Variants in ATRNL1 observed in about 807,000 individuals in gnomAD.
The protein encoded by ATRNL1 is attractin like 1, also known as attractin-like protein 1.
Under a neutral mutation model 182.7 loss-of-function variants are expected in ATRNL1, and 95 were observed. The ratio of observed to expected loss-of-function variants is 0.52; its 90% CI spans 0.44 to 0.62. ATRNL1 has a LOEUF of 0.62. ATRNL1 is among the 20% of genes least tolerant of loss of function. ATRNL1 has a pLI of 0.00. For synonymous variants in ATRNL1, 576 were observed against 568.3 expected, an observed-to-expected ratio of 1.01 and a Z score of -0.19; for missense variants, 1,471 against 1,679.5, an observed-to-expected ratio of 0.88 and a Z score of 2.17.
intron 25 of ATRNL1, among the ~76,000 whole-genome samples, chr10:115,530,502 A>G (rs1407859807): frequency 5.9e-5 from 9 of 152,214 alleles, no homozygotes; most frequent in Admixed American, 5.9e-4. Context: ...ACAGGCAAAG[A>G]AATAATAAGA....
chr10:115,106,923 G>C (rs1303670340), intron 1 of ATRNL1, among the ~76,000 whole-genome samples: 1 of 152,176 alleles, frequency 6.6e-6, no homozygotes, highest in Non-Finnish European at 1.5e-5. Context: ...CTAAGATCAA[G>C]AGGCTGACAT....
At position 115,467,303 on chromosome 10, in the gene ATRNL1, G is replaced by T. The variant is rs782260342; in HGVS notation, c.3496+51G>T. The stretch of plus-strand genomic sequence containing the variant: ...CTTTTACATGTGTTCCTATCTGGAA[G>T]TTGTTCTAACATGATCTACTGTTAA... On this transcript the variant is annotated intron_variant, in intron 23 of 28. Coordinates refer to ENST00000355044, the MANE Select transcript of ATRNL1 (RefSeq NM_207303.4). 6.0e-6 allele frequency: 8 copies of T among 1,336,710 alleles called. No homozygotes were observed. In the African/African-American group the frequency reaches 1.0e-4, roughly 17 times the overall value. The allele number at this position is 1,336,710 out of a possible 1,614,324, so 82.8% of individuals were successfully genotyped here.
At chr10:115,587,344 G>C (rs1245235267) in intron 26 of ATRNL1, among the ~76,000 whole-genome samples, 1 of 152,006 alleles carries the variant, frequency 6.6e-6, no homozygotes, top group Non-Finnish European at 1.5e-5. Context: ...AATGGCGGGC[G>C]CCCCTCCCCC....
chr10:115,326,763 C>T (rs1330017737), intron 18 of ATRNL1, among the ~76,000 whole-genome samples: 1 of 151,978 alleles, frequency 6.6e-6, no homozygotes, highest in African/African-American at 2.4e-5. Context: ...AGAACAGAGC[C>T]CTCAGAAATA....
chr10:115,626,806 C>T (rs1288612297), intron 26 of ATRNL1, among the ~76,000 whole-genome samples: 1 of 152,070 alleles, frequency 6.6e-6, no homozygotes, highest in African/African-American at 2.4e-5. Flanking sequence ...TGTTGATTTA[C>T]ATATGAATTC....
In ATRNL1 at chr10:115,582,059, A is replaced by G. The variant is rs1381763592; in HGVS notation, c.3795+32523A>G. Among the ~76,000 whole-genome samples, 43 of 151,884 alleles carry G rather than the reference A, an allele frequency of 2.8e-4. 1 individual carries two copies. Among genetic ancestry groups the G allele is most frequent in the Non-Finnish European group, 2.4e-4 (16 of 67,938 alleles). On this transcript the variant is annotated intron_variant, in intron 26 of 28. Transcript: ENST00000355044. ...GATTTCCAATTTCATCCATATCCCT[A>G]CAAAGGACATGAACTCATCATTTTT... is the stretch of plus-strand genomic sequence containing the variant.
In ATRNL1 at chr10:115,844,500, A is replaced by G. The variant is rs561199130; in HGVS notation, c.3904-3377A>G. Among the ~76,000 whole-genome samples, 3 of 152,216 alleles carry G rather than the reference A, an allele frequency of 2.0e-5. No individual in the cohort carries two copies. In the East Asian group the frequency reaches 5.8e-4, roughly 29 times the overall value. ...CCTTGAAAATCTTCATGATTCTAGA[A>G]GCTTCTCTGGTAACATTTTTTTCTG... On this transcript the variant is annotated intron_variant, in intron 27 of 28. Coordinates refer to ENST00000355044, the MANE Select transcript of ATRNL1 (RefSeq NM_207303.4).
chr10:115,895,038 A>G (rs550616163), intron 28 of ATRNL1, among the ~76,000 whole-genome samples: 12 of 152,212 alleles, frequency 7.9e-5, no homozygotes, highest in Non-Finnish European at 1.5e-4. Flanking sequence ...TAATGATCAA[A>G]ACTGAAGTAT....
intron 20 of ATRNL1, among the ~76,000 whole-genome samples, chr10:115,403,996 G>A (rs1302486951): frequency 6.6e-6 from 1 of 152,134 alleles, no homozygotes; most frequent in Non-Finnish European, 1.5e-5. Flanking sequence ...CTCATGTTAA[G>A]GTTGGCCAGT....
chr10:115,616,829 A>C (rs1232172600), intron 26 of ATRNL1, among the ~76,000 whole-genome samples: 13 of 152,190 alleles, frequency 8.5e-5, no homozygotes, highest in Non-Finnish European at 1.6e-4. Context: ...ATTTCAGAGG[A>C]TGTGTGAGAA....
chr10:115,903,234 G>A (rs1217212606), intron 28 of ATRNL1, among the ~76,000 whole-genome samples: 9 of 152,124 alleles, frequency 5.9e-5, no homozygotes, highest in African/African-American at 2.2e-4. Flanking sequence ...TCTGGTGGGT[G>A]CTAAGTTCAA....
chr10:115,466,999 T>C (rs1279070908), intron 22 of ATRNL1, among the ~76,000 whole-genome samples, 175 bp from the exon 23 acceptor site: 2 of 151,106 alleles, frequency 1.3e-5, no homozygotes, highest in Non-Finnish European at 3.0e-5. Flanking sequence ...CCTTTGAATT[T>C]ATTACACATT....
chr10:115,544,972 A>G (rs147805710), intron 25 of ATRNL1, among the ~76,000 whole-genome samples: 1 of 152,212 alleles, frequency 6.6e-6, no homozygotes, highest in East Asian at 1.9e-4. Flanking sequence ...TTGTATGTAT[A>G]TTTTTTAAGA....
chr10:115,175,978 C>T (rs901959159), intron 8 of ATRNL1, among the ~76,000 whole-genome samples: 1 of 152,218 alleles, frequency 6.6e-6, no homozygotes, highest in Admixed American at 6.5e-5. Context: ...CCTGTTGTTT[C>T]CTGACTTTTT....
chr10:115,163,039 G>C (rs1846870871), intron 6 of ATRNL1, among the ~76,000 whole-genome samples: 1 of 151,184 alleles, frequency 6.6e-6, no homozygotes, highest in African/African-American at 2.4e-5. Context: ...GTGGGGATGG[G>C]GGTAATAAAG....
At chr10:115,162,886 G>A (rs940321326) in intron 6 of ATRNL1, among the ~76,000 whole-genome samples, 5 of 151,850 alleles carry the variant, frequency 3.3e-5, no homozygotes, top group Admixed American at 6.6e-5. Context: ...AAATGCTGAC[G>A]ATTATCCAGG....
chr10:115,804,648 C>A (rs2134242626), intron 27 of ATRNL1, among the ~76,000 whole-genome samples: 1 of 152,206 alleles, frequency 6.6e-6, no homozygotes, highest in Non-Finnish European at 1.5e-5. Flanking sequence ...GTTATGATAG[C>A]CTGAACTGAC....
At chr10:115,307,719 C>T (rs372498381) in intron 17 of ATRNL1, among the ~76,000 whole-genome samples, 2 of 152,028 alleles carry the variant, frequency 1.3e-5, no homozygotes, top group African/African-American at 2.4e-5. Context: ...TAATTTTTCC[C>T]GTGTTTTTAA....
At chr10:115,371,686 G>A (rs1328103025) in intron 19 of ATRNL1, among the ~76,000 whole-genome samples, 1 of 152,150 alleles carries the variant, frequency 6.6e-6, no homozygotes, top group Non-Finnish European at 1.5e-5. Flanking sequence ...TAGACAGAAG[G>A]GACTCTCCTT....
Sources: gnomAD v4.1 joint callset for allele counts (sites outside exome capture counted in the v4.1 genomes callset) on GRCh38, gnomAD v4.1.1 for gene constraint, MANE v1.5 for transcripts, NCBI Gene and HGNC (gene_info 2026-07-23, HGNC 2026-07-21) for gene names.